The following EYS variants were observed in gnomAD, a reference collection of about 807,000 sequenced individuals.
EYS encodes EGF-like photoreceptor maintenance factor, also known as protein eyes shut homolog.
A neutral mutation model predicts 282.1 loss-of-function variants in EYS; 250 were observed. That is an observed-to-expected ratio of 0.89 (90% CI 0.80 to 0.98). The LOEUF (loss-of-function observed/expected upper bound fraction) is 0.98. Among genes scored for constraint, EYS ranks in the 50% least tolerant of loss-of-function variants. The pLI is 0.00. For missense variants in EYS, 4,016 were observed against 3,709.0 expected, an observed-to-expected ratio of 1.08 and a Z score of -2.15; for synonymous variants, 1,355 against 1,282.9, an observed-to-expected ratio of 1.06 and a Z score of -1.20.
At chr6:65,238,460 T>G (rs545862652) in intron 12 of EYS, among the ~76,000 whole-genome samples, 5 of 152,020 alleles carry the variant, frequency 3.3e-5, no homozygotes, top group Middle Eastern at 3.4e-3. Flanking sequence ...GGTTTGATTT[T>G]TAGTAATTTT....
In EYS at chr6:64,378,021, C is replaced by T. The variant is rs567412310; in HGVS notation, c.6078+10669G>A. ...AGCTGACCCTAGCCAAACAAACAAA[C>T]AAACAAAAAAAGCTACATGCTCCAG... On this transcript the variant is annotated intron_variant, in intron 29 of 42. Transcript: ENST00000503581. 4 of 152,138 alleles carry T rather than the reference C, an allele frequency of 2.6e-5. No individual in the cohort carries two copies. In the South Asian group the frequency reaches 8.3e-4, roughly 32 times the overall value. The allele number at this position is 152,138 out of a possible 1,614,324, so 9.4% of individuals were successfully genotyped here. A position where few individuals can be genotyped will look rare whatever the true frequency, so the allele number is the denominator to read the frequency against.
chr6:64,459,629 G>A (rs1315265144), intron 26 of EYS, among the ~76,000 whole-genome samples: 1 of 152,156 alleles, frequency 6.6e-6, no homozygotes, highest in East Asian at 1.9e-4. Flanking sequence ...ACTGGTGTAA[G>A]TCCAAGAATC....
intron 11 of EYS, among the ~76,000 whole-genome samples, chr6:65,309,263 T>C (rs1320305171): frequency 6.6e-6 from 1 of 152,106 alleles, no homozygotes; most frequent in African/African-American, 2.4e-5. Context: ...TTAACATATG[T>C]TCGTAATTGC....
At chr6:64,135,212 CT>C (rs56780670) in intron 31 of EYS, among the ~76,000 whole-genome samples, 12,581 of 146,864 alleles carry the variant, frequency 0.086, 1,508 homozygotes, top group African/African-American at 0.27. Context: ...AGTAGTGGTG[CT>C]TTTTTTTTTA....
intron 31 of EYS, among the ~76,000 whole-genome samples, chr6:64,199,674 T>C (rs981753188): frequency 6.6e-6 from 1 of 151,822 alleles, no homozygotes; most frequent in Non-Finnish European, 1.5e-5. Context: ...TTGCAATCTA[T>C]CCATCTGACA....
At chr6:63,752,801 G>T (rs2149649386) in intron 41 of EYS, among the ~76,000 whole-genome samples, 1 of 152,046 alleles carries the variant, frequency 6.6e-6, no homozygotes, top group Middle Eastern at 3.4e-3. Context: ...GCCCTTAATT[G>T]CTTTTCTTAA....
intron 12 of EYS, among the ~76,000 whole-genome samples, chr6:65,205,833 G>A (rs1348858567): frequency 1.3e-5 from 2 of 151,706 alleles, no homozygotes; most frequent in Non-Finnish European, 3.0e-5. Context: ...CAAAAGTTTT[G>A]AAACAAAGAA....
intron 1 of EYS, among the ~76,000 whole-genome samples, chr6:65,705,486 G>T (rs1582623160): frequency 6.6e-6 from 1 of 152,186 alleles, no homozygotes; most frequent in African/African-American, 2.4e-5. Flanking sequence ...GTTTTGTTTT[G>T]TTTTTTAACG....
intron 26 of EYS, among the ~76,000 whole-genome samples, chr6:64,585,437 C>A (rs1253231548): frequency 2.0e-5 from 3 of 152,054 alleles, no homozygotes; most frequent in Non-Finnish European, 4.4e-5. Context: ...ATGTAACGAA[C>A]CTGCACACAT....
intron 9 of EYS, among the ~76,000 whole-genome samples, chr6:65,348,118 T>G (rs1394607751): frequency 6.6e-6 from 1 of 151,754 alleles, no homozygotes; most frequent in Non-Finnish European, 1.5e-5. Flanking sequence ...CATATTTCCC[T>G]TACTCATTCA....
chr6:64,855,857 A>G (rs1483746455), intron 19 of EYS, among the ~76,000 whole-genome samples: 1 of 152,190 alleles, frequency 6.6e-6, no homozygotes, highest in Non-Finnish European at 1.5e-5. Flanking sequence ...TAAAGTTAGA[A>G]TCATACATTA....
At chr6:65,115,894 T>G (rs1775355917) in intron 12 of EYS, among the ~76,000 whole-genome samples, 1 of 152,144 alleles carries the variant, frequency 6.6e-6, no homozygotes, top group African/African-American at 2.4e-5. Context: ...ACTTCCAACA[T>G]TATACTTCAT....
chr6:64,107,285 T>TTATATA (rs55756711), intron 31 of EYS, among the ~76,000 whole-genome samples: 2,233 of 101,374 alleles, frequency 0.022, 48 homozygotes, highest in African/African-American at 0.035. Flanking sequence ...ATATATATAT[T>TTATATA]TATATATATA....
Position 64,592,015 on chromosome 6 carries a change from G to C in EYS, c.3878-26C>G, listed in dbSNP as rs766523366. On this transcript the variant is annotated intron_variant, in intron 25 of 42. Coordinates refer to ENST00000503581, the MANE Select transcript of EYS (RefSeq NM_001142800.2). Reference sequence around the variant, plus strand: ...CTACAAAAAGGAAAAAAGCCAAAAAGGTTAGAAAAATGAATCAGAAACGAA... The same window carrying C: ...CTACAAAAAGGAAAAAAGCCAAAAACGTTAGAAAAATGAATCAGAAACGAA... The C allele has an allele frequency of 1.3e-5, 19 of 1,434,314 alleles. No individual in the cohort carries two copies. In the Middle Eastern group the frequency reaches 5.4e-4, roughly 41 times the overall value. 88.8% of individuals were successfully genotyped at this position (1,434,314 alleles called of 1,614,324 possible).
chr6:65,079,919 T>C (rs1318429349), intron 12 of EYS, among the ~76,000 whole-genome samples: 1 of 152,092 alleles, frequency 6.6e-6, no homozygotes, highest in African/African-American at 2.4e-5. Context: ...AGTGGGATAA[T>C]AACAGAGAGA....
At chr6:63,912,156 T>C (rs931993056) in intron 35 of EYS, among the ~76,000 whole-genome samples, 3 of 152,220 alleles carry the variant, frequency 2.0e-5, no homozygotes, top group African/African-American at 7.2e-5. Context: ...GCAGGAGCTT[T>C]GCATTTTCTA....
intron 5 of EYS, among the ~76,000 whole-genome samples, chr6:65,437,891 T>C (rs889671444): frequency 3.9e-5 from 6 of 152,202 alleles, no homozygotes; most frequent in Non-Finnish European, 5.9e-5. Context: ...AGTTCTAGGG[T>C]ACATATGCAC....
chr6:65,678,322 C>A (rs972368435), intron 1 of EYS, among the ~76,000 whole-genome samples: 11 of 151,894 alleles, frequency 7.2e-5, no homozygotes, highest in African/African-American at 2.7e-4. Context: ...CTGGAGGGGA[C>A]AAACATTAAA....
intron 31 of EYS, among the ~76,000 whole-genome samples, chr6:64,145,752 A>C (rs1196650358): frequency 6.6e-6 from 1 of 152,312 alleles, no homozygotes; most frequent in African/African-American, 2.4e-5. Context: ...TACATTTTCC[A>C]CACGGAATGC....
Sources: gnomAD v4.1 joint callset for allele counts (sites outside exome capture counted in the v4.1 genomes callset) on GRCh38, gnomAD v4.1.1 for gene constraint, MANE v1.5 for transcripts, NCBI Gene and HGNC (gene_info 2026-07-23, HGNC 2026-07-21) for gene names.